CACNA2D2: variants seen among roughly 807,000 people sequenced by gnomAD.
The protein encoded by CACNA2D2 is calcium voltage-gated channel auxiliary subunit alpha2delta 2.
A neutral mutation model predicts 166.4 loss-of-function variants in CACNA2D2; 48 were observed. The ratio of observed to expected loss-of-function variants is 0.29; its 90% confidence interval spans 0.23 to 0.37. The LOEUF (loss-of-function observed/expected upper bound fraction) is 0.37, where lower values mean the gene tolerates loss of function less well. Among genes scored for constraint, CACNA2D2 ranks in the 10% least tolerant of loss-of-function variants. CACNA2D2 has a pLI of 1.00. For synonymous variants in CACNA2D2, 561 were observed against 573.7 expected (o/e 0.98, Z 0.32); for missense variants, 1,122 against 1,433.0 (o/e 0.78, Z 3.50).
chr3:50,406,382 C>T (rs540753144), intron 3 of CACNA2D2, among the ~76,000 whole-genome samples: 8 of 151,904 alleles, frequency 5.3e-5, no homozygotes, highest in African/African-American at 1.9e-4. Flanking sequence ...GCAAAGCCCA[C>T]GAGTGGGACA....
chr3:50,371,982 G>T (rs750619484), intron 22 of CACNA2D2, among the ~76,000 whole-genome samples: 1 of 150,674 alleles, frequency 6.6e-6, no homozygotes, highest in Non-Finnish European at 1.5e-5. Context: ...CCCCTTTGCT[G>T]GACTAGGCTG....
chr3:50,465,712 G>A (rs1175435883), intron 2 of CACNA2D2, among the ~76,000 whole-genome samples: 1 of 152,146 alleles, frequency 6.6e-6, no homozygotes. Context: ...AGGCTTCTAG[G>A]GGATGAGGTC....
At chr3:50,447,117 AGAAG>A (rs1708881137) in intron 2 of CACNA2D2, among the ~76,000 whole-genome samples, 1 of 152,232 alleles carries the variant, frequency 6.6e-6, no homozygotes, top group South Asian at 2.1e-4. Context: ...AAGGTGAAGA[AGAAG>A]GAAGGCTGGT....
chr3:50,372,306 GCCCCTGGT>G (rs1287837834), intron 22 of CACNA2D2, among the ~76,000 whole-genome samples: 1 of 152,142 alleles, frequency 6.6e-6, no homozygotes, highest in Non-Finnish European at 1.5e-5. Context: ...CCCTGTCCAG[GCCCCTGGT>G]CCCCAAATCT....
intron 2 of CACNA2D2, among the ~76,000 whole-genome samples, chr3:50,467,210 T>G (rs1235930383): frequency 1.3e-5 from 2 of 151,998 alleles, no homozygotes; most frequent in Non-Finnish European, 2.9e-5. Context: ...GCCAGCACAC[T>G]CTCACATCCA....
At chr3:50,483,613 G>C (rs1405837617) in intron 1 of CACNA2D2, among the ~76,000 whole-genome samples, 2 of 152,186 alleles carry the variant, frequency 1.3e-5, no homozygotes, top group Admixed American at 6.5e-5. Flanking sequence ...TGCTGGGTTG[G>C]GGGGAGTGGA....
rs1190781302 is a variant in CACNA2D2 at position 50,366,999 on chromosome 3, CCAAA to C, written c.2500+8_2500+11del. ...CATTGCCTGTTTCCCCACCTCTGTC[CCAAA>C]CATTCACCTGCTGGCCTCAGTGTGC... On this transcript the variant is annotated splice_region_variant and intron_variant, in intron 28 of 37. Transcript: ENST00000424201. This position sits in a 1 kb window ranked among gnomAD's most constrained non-coding sequence, Gnocchi z 5.9. 3 of 1,613,602 alleles carry C rather than the reference CCAAA, an allele frequency of 1.9e-6. No individual in the cohort carries two copies. Among genetic ancestry groups the C allele is most frequent in the Admixed American group, 3.3e-5 (2 of 60,028 alleles).
Position 50,367,075 on chromosome 3 carries a change from A to G in CACNA2D2, c.2436T>C (p.Thr812=), listed in dbSNP as rs1177433393. Residue 812 remains threonine, a synonymous_variant, in exon 28 of 38, where the codon ACT becomes ACC. Transcript: ENST00000424201. This position sits in a 1 kb window ranked among gnomAD's most constrained non-coding sequence, Gnocchi z 6.5. ...LLRPLELEND[T]VGILVSTAVE... ...CAGCTGTGCTGACGAGGATGCCCAC[A>G]GTGTCATTCTCCAGCTCCAGCGGCC... is the stretch of plus-strand genomic sequence containing the variant. 1.9e-6 allele frequency: 3 copies of G among 1,613,226 alleles called. No individual in the cohort carries two copies. The highest frequency in any genetic ancestry group is 1.7e-5 in the Admixed American group (1 of 59,992).
At position 50,363,095 on chromosome 3, in the gene CACNA2D2, T is replaced by C. The variant is rs1272348652; in HGVS notation, c.*1571A>G. 2.5e-6 allele frequency: 1 copy of C among 398,608 alleles called. No individual in the cohort carries two copies. The highest frequency in any genetic ancestry group is 4.4e-6 in the Non-Finnish European group (1 of 226,054). The allele number at this position is 398,608 out of a possible 1,614,324, so 24.7% of individuals were successfully genotyped here. On this transcript the variant is annotated 3_prime_UTR_variant, in exon 38 of 38. Coordinates refer to ENST00000424201, the MANE Select transcript of CACNA2D2 (RefSeq NM_006030.4). ...CCTGATGGGGATTGTTTTGTCTGTT[T>C]TTCTGTTTTTTAAACTTAAAATATA... is the stretch of plus-strand genomic sequence containing the variant.
rs745846272 is a variant in CACNA2D2 at position 50,366,042 on chromosome 3, T to C, written c.2831A>G (p.Asn944Ser). 1.9e-5 allele frequency: 31 copies of C among 1,613,292 alleles called. No individual in the cohort carries two copies. The Middle Eastern group carries it at 8.4e-4, about 44-fold the overall frequency. Residue 944 changes from asparagine (N) to serine (S), a missense_variant, in exon 32 of 38, where the codon AAC becomes AGC. By Grantham distance (46) the Asn-to-Ser change is conservative (BLOSUM62 1). This residue lies in a region of CACNA2D2 where 282 missense variants were observed against 266.2 expected (regional missense o/e 1.06). Coordinates refer to ENST00000424201, the MANE Select transcript of CACNA2D2 (RefSeq NM_006030.4). The surrounding 1 kb of genome is among the most constrained non-coding windows in gnomAD (Gnocchi z 5.9). ...GACACCCCGGGGTGCAGCACCCAGGTTGCCAGGGGGCTGAGGGGCACAGGC... is the reference window on the plus strand; with the variant it reads ...GACACCCCGGGGTGCAGCACCCAGGCTGCCAGGGGGCTGAGGGGCACAGGC... ...QAACAPQPPG[N>S]LGAAPRGVFV... is the part of the protein sequence containing the mutation.
At chr3:50,405,658 AAC>A (rs755249568) in intron 3 of CACNA2D2, among the ~76,000 whole-genome samples, 2 of 152,140 alleles carry the variant, frequency 1.3e-5, no homozygotes, top group Non-Finnish European at 2.9e-5. Context: ...ACTCTTACTA[AAC>A]ACACCACAGG....
Position 50,374,827 on chromosome 3 carries a change from A to C in CACNA2D2, c.1908-14T>G, listed in dbSNP as rs373256058. Reference sequence around the variant, plus strand: ...ACCAGCCCCAGGCTGAGGGGGGAGAAGCTCGGGTCACGGCTGGGGGGAGGC... The same window carrying C: ...ACCAGCCCCAGGCTGAGGGGGGAGACGCTCGGGTCACGGCTGGGGGGAGGC... On this transcript the variant is annotated splice_polypyrimidine_tract_variant and intron_variant, in intron 21 of 37. Coordinates refer to ENST00000424201, the MANE Select transcript of CACNA2D2 (RefSeq NM_006030.4). 2 of 1,577,534 alleles carry C rather than the reference A, an allele frequency of 1.3e-6. No individual in the cohort carries two copies. The highest frequency in any genetic ancestry group is 1.7e-6 in the Non-Finnish European group (2 of 1,162,144).
chr3:50,480,498 A>G (rs538564587), intron 1 of CACNA2D2, among the ~76,000 whole-genome samples: 1 of 151,996 alleles, frequency 6.6e-6, no homozygotes, highest in African/African-American at 2.4e-5. Context: ...GGGAGGGGGC[A>G]CTGCAGAAGA....
In CACNA2D2 at chr3:50,367,557, C is replaced by CCACAGATGCAAGGAGGCCTCTGGGCAG; in HGVS notation, c.2297+58_2298-61dup. On this transcript the variant is annotated intron_variant, in intron 26 of 37. Transcript: ENST00000424201. The surrounding 1 kb of genome is among the most constrained non-coding windows in gnomAD (Gnocchi z 6.5). ...GGTGGCTTGTCGGGGACAGTGGTCT[C>CCACAGATGCAAGGAGGCCTCTGGGCAG]CACAGATGCAAGGAGGCCTCTGGGC... 2 of 1,607,200 alleles carry CCACAGATGCAAGGAGGCCTCTGGGCAG rather than the reference C, an allele frequency of 1.2e-6. No homozygotes were observed. Among genetic ancestry groups the CCACAGATGCAAGGAGGCCTCTGGGCAG allele is most frequent in the Admixed American group, 1.7e-5 (1 of 59,884 alleles).
intron 2 of CACNA2D2, among the ~76,000 whole-genome samples, chr3:50,441,458 CTTGT>C (rs1298646678): frequency 6.6e-6 from 1 of 152,230 alleles, no homozygotes; most frequent in Non-Finnish European, 1.5e-5. Context: ...GGCTCAATCT[CTTGT>C]TTTTCAAAAG....
intron 1 of CACNA2D2, among the ~76,000 whole-genome samples, chr3:50,499,749 C>G (rs1484595398): frequency 6.6e-6 from 1 of 152,252 alleles, no homozygotes; most frequent in Non-Finnish European, 1.5e-5. Flanking sequence ...GACAAAGAAT[C>G]TGGAGTGAGA....
At chr3:50,422,007 C>T (rs1199319316) in intron 3 of CACNA2D2, among the ~76,000 whole-genome samples, 1 of 152,080 alleles carries the variant, frequency 6.6e-6, no homozygotes, top group African/African-American at 2.4e-5. Flanking sequence ...GGGGGTTCTG[C>T]CTTCTCACCC....
chr3:50,365,841 T>G lies in CACNA2D2; in HGVS notation c.2884A>C (p.Asn962His), dbSNP rs1294684274. The change falls in exon 33 of 38, where the codon AAC becomes CAC. Residue 962 changes from asparagine (N) to histidine (H), a missense_variant. Asn to His is a moderately conservative substitution (Grantham distance 68, BLOSUM62 1). This residue lies in a region of CACNA2D2 where 282 missense variants were observed against 266.2 expected (regional missense o/e 1.06). Transcript: ENST00000424201. This position sits in a 1 kb window ranked among gnomAD's most constrained non-coding sequence, Gnocchi z 4.5. ...VFVPTVADFLNLAWWTSAAAW... is the reference protein window; with the variant it reads ...VFVPTVADFLHLAWWTSAAAW... Reference sequence around the variant, plus strand: ...GCAGCAGAGGTCCACCAGGCCAGGTTAAGGAAATCTGCAACGGTGGGCTGC... The same window carrying G: ...GCAGCAGAGGTCCACCAGGCCAGGTGAAGGAAATCTGCAACGGTGGGCTGC... 6.2e-7 allele frequency: 1 copy of G among 1,613,188 alleles called. No homozygotes were observed. The highest frequency in any genetic ancestry group is 8.5e-7 in the Non-Finnish European group (1 of 1,180,022).
At position 50,367,344 on chromosome 3, in the gene CACNA2D2, G is replaced by A; in HGVS notation, c.2401+50C>T. On this transcript the variant is annotated intron_variant, in intron 27 of 37. Transcript: ENST00000424201. This position sits in a 1 kb window ranked among gnomAD's most constrained non-coding sequence, Gnocchi z 6.5. The stretch of plus-strand genomic sequence containing the variant: ...AGCCCAGTTCTGGCTGAGCAGACAG[G>A]GAAGCTGAGGCTCCCTGCCTGCTGC... 6.5e-7 allele frequency: 1 copy of A among 1,531,008 alleles called. No individual in the cohort carries two copies. Among genetic ancestry groups the A allele is most frequent in the South Asian group, 1.1e-5 (1 of 88,694 alleles). The allele number at this position is 1,531,008 out of a possible 1,614,324, so 94.8% of individuals were successfully genotyped here.
Sources: allele counts gnomAD v4.1 joint callset (sites outside exome capture counted in the v4.1 genomes callset), GRCh38; gene constraint gnomAD v4.1.1; regional missense constraint gnomAD v4.1.1; non-coding constraint Gnocchi (gnomAD v3.1); transcripts MANE v1.5; gene names NCBI Gene and HGNC (gene_info 2026-07-23, HGNC 2026-07-21).